Variants in FNDC3B observed in about 807,000 individuals in gnomAD.
FNDC3B encodes the protein fibronectin type III domain-containing protein 3B.
In FNDC3B, 12 loss-of-function variants were observed where a neutral mutation model predicts 151.5. The ratio of observed to expected loss-of-function variants is 0.08; its 90% confidence interval spans 0.05 to 0.13. FNDC3B has a LOEUF of 0.13. Among genes scored for constraint, FNDC3B ranks in the 10% least tolerant of loss-of-function variants. The pLI, the probability that FNDC3B is intolerant of heterozygous loss-of-function variation, is 1.00. For synonymous variants in FNDC3B, 528 were observed against 549.0 expected (o/e 0.96, Z 0.54); for missense variants, 1,214 against 1,505.3 (o/e 0.81, Z 3.20).
At chr3:172,241,945 T>G (rs1254619944) in intron 4 of FNDC3B, among the ~76,000 whole-genome samples, 1 of 152,176 alleles carries the variant, frequency 6.6e-6, no homozygotes, top group East Asian at 1.9e-4. Context: ...CAAAAGCAAG[T>G]TAGTTACTTT....
chr3:172,072,941 A>C (rs1007578939), intron 1 of FNDC3B, among the ~76,000 whole-genome samples: 1 of 152,100 alleles, frequency 6.6e-6, no homozygotes, highest in Non-Finnish European at 1.5e-5. Context: ...TAATTATTTT[A>C]ATTTTTTCTT....
intron 6 of FNDC3B, among the ~76,000 whole-genome samples, chr3:172,275,198 A>C (rs1729374857): frequency 6.6e-6 from 1 of 152,194 alleles, no homozygotes; most frequent in Admixed American, 6.5e-5. Context: ...AAATATGGCT[A>C]CTAAGTGGTG....
chr3:172,097,438 GTA>G (rs1260878949), intron 1 of FNDC3B, among the ~76,000 whole-genome samples: 1 of 152,178 alleles, frequency 6.6e-6, no homozygotes, highest in Non-Finnish European at 1.5e-5. Flanking sequence ...AGGTCTCTTT[GTA>G]TGTGGTGGTT....
At chr3:172,212,498 C>T (rs1034657521) in intron 3 of FNDC3B, among the ~76,000 whole-genome samples, 2 of 152,162 alleles carry the variant, frequency 1.3e-5, no homozygotes, top group African/African-American at 4.8e-5. Context: ...GAAGCAGACT[C>T]TGAAGGCCTG....
chr3:172,072,630 A>G (rs146299998), intron 1 of FNDC3B, among the ~76,000 whole-genome samples: 12 of 152,318 alleles, frequency 7.9e-5, no homozygotes, highest in African/African-American at 2.4e-4. Context: ...TCAGCCTTGT[A>G]GATGAGTTCT....
chr3:172,160,461 A>G (rs1167272240), intron 3 of FNDC3B, among the ~76,000 whole-genome samples: 5 of 152,186 alleles, frequency 3.3e-5, no homozygotes, highest in East Asian at 3.8e-4. Context: ...TTACACCCCA[A>G]CCCTAAGAAG....
chr3:172,203,165 T>C (rs914113754), intron 3 of FNDC3B, among the ~76,000 whole-genome samples: 1 of 152,248 alleles, frequency 6.6e-6, no homozygotes, highest in African/African-American at 2.4e-5. Context: ...CTGTGGGCAC[T>C]CTAACATCCT....
In FNDC3B at chr3:172,195,891, C is replaced by T. The variant is rs947165698; in HGVS notation, c.188-30980C>T. On this transcript the variant is annotated intron_variant, in intron 3 of 25. Transcript: ENST00000415807. ...AATCAGTTACATAATGACACTAATC[C>T]TCAGTTTCCTCAACAGTAAATGAGA... Among the ~76,000 whole-genome samples the T allele has an allele frequency of 2.6e-5, 4 of 152,290 alleles. No individual in the cohort carries two copies. In the East Asian group the frequency reaches 7.7e-4, roughly 29 times the overall value.
intron 3 of FNDC3B, among the ~76,000 whole-genome samples, chr3:172,220,159 G>A (rs1238063263): frequency 2.5e-5 from 2 of 81,584 alleles, no homozygotes; most frequent in East Asian, 5.0e-4. Context: ...GTCAACACTT[G>A]TTATTTTCTG....
intron 23 of FNDC3B, among the ~76,000 whole-genome samples, chr3:172,365,710 T>C (rs567410119): frequency 1.3e-5 from 2 of 152,220 alleles, no homozygotes; most frequent in African/African-American, 2.4e-5. Flanking sequence ...ATGAACACTT[T>C]ATAAACAGGC....
At chr3:172,325,153 G>T (rs1732278051) in intron 11 of FNDC3B, among the ~76,000 whole-genome samples, 1 of 152,226 alleles carries the variant, frequency 6.6e-6, no homozygotes, top group African/African-American at 2.4e-5. Flanking sequence ...AAAAGTGTCA[G>T]GATGTTACCC....
chr3:172,364,013 T>A (rs1174053889), intron 23 of FNDC3B, among the ~76,000 whole-genome samples: 1 of 152,240 alleles, frequency 6.6e-6, no homozygotes, highest in African/African-American at 2.4e-5. Context: ...GCAAACCTGG[T>A]AATTTTTATG....
At chr3:172,237,492 G>C (rs1727226940) in intron 4 of FNDC3B, 1 of 152,282 alleles carries the variant, frequency 6.6e-6, no homozygotes, top group Non-Finnish European at 1.5e-5. Context: ...ATTGGCCCAG[G>C]TCAGAAATGT....
intron 1 of FNDC3B, among the ~76,000 whole-genome samples, chr3:172,064,513 A>G (rs917890395): frequency 2.0e-5 from 3 of 152,218 alleles, no homozygotes; most frequent in African/African-American, 7.2e-5. Context: ...TTTGTAAGAA[A>G]CGGTTGGCTA....
intron 9 of FNDC3B, among the ~76,000 whole-genome samples, chr3:172,305,117 C>T (rs1731129787): frequency 6.6e-6 from 1 of 152,096 alleles, no homozygotes; most frequent in Non-Finnish European, 1.5e-5. Context: ...ACCTCATTGT[C>T]CTCACTTACC....
At chr3:172,374,849 T>A (rs1339752284) in intron 23 of FNDC3B, among the ~76,000 whole-genome samples, 1 of 152,166 alleles carries the variant, frequency 6.6e-6, no homozygotes, top group Admixed American at 6.6e-5. Flanking sequence ...GTCTCAGAAA[T>A]TGCATTTACT....
chr3:172,303,625 C>G (rs988409854), intron 9 of FNDC3B, among the ~76,000 whole-genome samples: 1 of 152,034 alleles, frequency 6.6e-6, no homozygotes, highest in African/African-American at 2.4e-5. Context: ...GCAACAAAAA[C>G]TGAACTGTTT....
chr3:172,083,527 A>G (rs1718387929), intron 1 of FNDC3B, among the ~76,000 whole-genome samples: 4 of 152,238 alleles, frequency 2.6e-5, no homozygotes, highest in Admixed American at 2.0e-4. Flanking sequence ...AAATGGCAGG[A>G]TATGTAGAAG....
chr3:172,265,461 G>A (rs1049469638), intron 6 of FNDC3B, among the ~76,000 whole-genome samples: 34 of 152,104 alleles, frequency 2.2e-4, no homozygotes, highest in African/African-American at 8.2e-4. Context: ...TTTAAGGCAG[G>A]AGATACTGGA....
Sources: gnomAD v4.1 joint callset for allele counts (sites outside exome capture counted in the v4.1 genomes callset) on GRCh38, gnomAD v4.1.1 for gene constraint, MANE v1.5 for transcripts, NCBI Gene and HGNC (gene_info 2026-07-23, HGNC 2026-07-21) for gene names.